DNAJC1: variants seen among roughly 807,000 people sequenced by gnomAD.
DNAJC1 encodes the protein DnaJ heat shock protein family (Hsp40) member C1.
In DNAJC1, 58 loss-of-function variants were observed where a neutral mutation model predicts 76.6. The ratio of observed to expected loss-of-function variants is 0.76; its 90% confidence interval spans 0.61 to 0.94. The LOEUF is 0.94. Among genes scored for constraint, DNAJC1 ranks in the 40% least tolerant of loss-of-function variants. The pLI, the probability that DNAJC1 is intolerant of heterozygous loss-of-function variation, is 0.00. For synonymous variants in DNAJC1, 258 were observed against 267.9 expected (o/e 0.96, Z 0.36); for missense variants, 689 against 677.3 (o/e 1.02, Z -0.19).
chr10:21,905,514 T>G (rs1836729851), intron 6 of DNAJC1, among the ~76,000 whole-genome samples: 1 of 152,168 alleles, frequency 6.6e-6, no homozygotes, highest in South Asian at 2.1e-4. Context: ...TCTGATGAAC[T>G]CTTATTAATC....
At chr10:21,939,861 ATGAC>A (rs1372864928) in intron 1 of DNAJC1, among the ~76,000 whole-genome samples, 1 of 151,118 alleles carries the variant, frequency 6.6e-6, no homozygotes, top group Non-Finnish European at 1.5e-5. Context: ...ACTCTTACTA[ATGAC>A]TTTGCCCTCT....
chr10:21,768,879 G>C (rs1293516842), intron 9 of DNAJC1, among the ~76,000 whole-genome samples: 2 of 152,096 alleles, frequency 1.3e-5, no homozygotes, highest in African/African-American at 4.8e-5. Context: ...ACAGAACTAT[G>C]CTCCATCAAT....
Position 21,759,196 on chromosome 10 carries a change from C to T in DNAJC1, c.1570G>A (p.Ala524Thr). 2 of 1,614,036 alleles carry T rather than the reference C, an allele frequency of 1.2e-6. No individual in the cohort carries two copies. Among genetic ancestry groups the T allele is most frequent in the East Asian group, 2.2e-5 (1 of 44,878 alleles). The change falls in exon 11 of 12, where the codon GCC (alanine) becomes ACC (threonine). Residue 524 changes from alanine to threonine, a missense_variant. Ala to Thr is a moderately conservative substitution (Grantham distance 58). Transcript: ENST00000376980. ...RGSSDRWDKI[A>T]RCVPSKSKED... The stretch of plus-strand genomic sequence containing the variant: ...TTGCTCTTGGACGGGACACATCTGG[C>T]TATTTTGTCCCAGCGGTCAGAGGAT...
intron 8 of DNAJC1, among the ~76,000 whole-genome samples, chr10:21,862,797 A>T (rs558522703): frequency 6.6e-6 from 1 of 152,170 alleles, no homozygotes; most frequent in African/African-American, 2.4e-5. Context: ...AAAAGAAGGA[A>T]GTTCTCAAAT....
At chr10:21,912,507 G>A (rs1208793731) in intron 6 of DNAJC1, among the ~76,000 whole-genome samples, 3 of 152,082 alleles carry the variant, frequency 2.0e-5, no homozygotes, top group African/African-American at 7.2e-5. Context: ...GGTCATTCCA[G>A]TTTGCCTGTA....
At chr10:21,762,014 TCTC>T (rs1564779709) in intron 10 of DNAJC1, among the ~76,000 whole-genome samples, 1 of 152,186 alleles carries the variant, frequency 6.6e-6, no homozygotes, top group African/African-American at 2.4e-5. Context: ...TTCAAGTGAT[TCTC>T]CTGCCTCAGC....
At position 21,993,637 on chromosome 10, in the gene DNAJC1, A is replaced by AT. The variant is rs200057434; in HGVS notation, c.222+9575dup. The stretch of plus-strand genomic sequence containing the variant: ...TTTTCATTTATATTTGTATTTATGC[A>AT]TTTTTTCTGTATACGTTTCTATGTG... On this transcript the variant is annotated intron_variant, in intron 1 of 11. Transcript: ENST00000376980. 4.7e-3 allele frequency among the ~76,000 whole-genome samples: 719 copies of AT among 152,140 alleles called. 7 individuals are homozygous for AT. Among genetic ancestry groups the AT allele is most frequent in the African/African-American group, 0.013 (540 of 41,500 alleles).
At chr10:21,794,075 G>A (rs557930240) in intron 9 of DNAJC1, among the ~76,000 whole-genome samples, 1 of 152,278 alleles carries the variant, frequency 6.6e-6, no homozygotes, top group African/African-American at 2.4e-5. Context: ...AGGAGTTTGA[G>A]ACCAGCCTTG....
intron 10 of DNAJC1, among the ~76,000 whole-genome samples, chr10:21,763,565 GTTTTTTTTTT>G (rs34169717): frequency 7.9e-6 from 1 of 127,370 alleles, no homozygotes; most frequent in Non-Finnish European, 1.6e-5. Flanking sequence ...TGTGCAGGTT[GTTTTTTTTTT>G]TTTTTTTTAG....
chr10:21,913,805 T>C (rs947613117), intron 6 of DNAJC1, among the ~76,000 whole-genome samples: 1 of 152,218 alleles, frequency 6.6e-6, no homozygotes, highest in Non-Finnish European at 1.5e-5. Context: ...TTTTAAATGT[T>C]ACAATTAAAT....
rs541232412 is a variant in DNAJC1 at position 21,921,011 on chromosome 10, CA to C, written c.372-49del. On this transcript the variant is annotated intron_variant, in intron 3 of 11. Coordinates refer to ENST00000376980, the MANE Select transcript of DNAJC1 (RefSeq NM_022365.4). ...TTTCACGGGGAGTTTAAAATAAAAACAAAAAAAACTATTTGTGCCTATATTA... is the reference window on the plus strand; with the variant it reads ...TTTCACGGGGAGTTTAAAATAAAAACAAAAAAACTATTTGTGCCTATATTA... 1.4e-4 allele frequency: 202 copies of C among 1,440,546 alleles called. 1 individual carries two copies. The African/African-American group carries it at 1.4e-3, about 10-fold the overall frequency. 89.2% of individuals were successfully genotyped at this position (1,440,546 alleles called of 1,614,324 possible).
At position 21,959,245 on chromosome 10, in the gene DNAJC1, C is replaced by T. The variant is rs555058618; in HGVS notation, c.223-30104G>A. On this transcript the variant is annotated intron_variant, in intron 1 of 11. Coordinates refer to ENST00000376980, the MANE Select transcript of DNAJC1 (RefSeq NM_022365.4). The stretch of plus-strand genomic sequence containing the variant: ...GTTCAAGCAATTCTCTTGCCTTAGC[C>T]TCCTGAGTAGCTGGGATTACAGGTG... Among the ~76,000 whole-genome samples, 21 of 152,086 alleles carry T rather than the reference C, an allele frequency of 1.4e-4. No individual in the cohort carries two copies. The South Asian group carries it at 3.7e-3, about 27-fold the overall frequency.
intron 8 of DNAJC1, among the ~76,000 whole-genome samples, chr10:21,849,844 A>C (rs2131687141): frequency 6.6e-6 from 1 of 152,266 alleles, no homozygotes; most frequent in East Asian, 1.9e-4. Context: ...CATCACATTA[A>C]TAGATAAAAG....
At chr10:21,896,936 T>C (rs1226858305) in intron 7 of DNAJC1, among the ~76,000 whole-genome samples, 1 of 152,182 alleles carries the variant, frequency 6.6e-6, no homozygotes, top group Non-Finnish European at 1.5e-5. Flanking sequence ...TTTCCCCTTC[T>C]GTTCCTTGTG....
intron 8 of DNAJC1, among the ~76,000 whole-genome samples, chr10:21,849,534 A>G (rs1027020762): frequency 6.6e-6 from 1 of 152,070 alleles, no homozygotes; most frequent in African/African-American, 2.4e-5. Context: ...GGGGAAAAAA[A>G]GAGGGGAGAT....
At chr10:21,808,805 G>A (rs1279381932) in intron 8 of DNAJC1, among the ~76,000 whole-genome samples, 2 of 152,136 alleles carry the variant, frequency 1.3e-5, no homozygotes, top group African/African-American at 4.8e-5. Context: ...CAATCTTACC[G>A]AAACACCGGG....
chr10:21,944,969 GT>G (rs1169669065), intron 1 of DNAJC1, among the ~76,000 whole-genome samples: 7 of 152,170 alleles, frequency 4.6e-5, no homozygotes, highest in Non-Finnish European at 8.8e-5. Context: ...AGTAGGAGGT[GT>G]TTTTGAAATA....
chr10:21,897,109 G>A (rs940429198), intron 7 of DNAJC1, among the ~76,000 whole-genome samples: 1 of 152,130 alleles, frequency 6.6e-6, no homozygotes, highest in Non-Finnish European at 1.5e-5. Flanking sequence ...GCCAGTCTCA[G>A]GTTATTTCCC....
At chr10:21,824,793 G>A (rs1835220017) in intron 8 of DNAJC1, among the ~76,000 whole-genome samples, 1 of 152,032 alleles carries the variant, frequency 6.6e-6, no homozygotes. Context: ...TTATTTTTGA[G>A]ATGGTGTTTC....
Sources: gnomAD v4.1 joint callset for allele counts (sites outside exome capture counted in the v4.1 genomes callset) on GRCh38, gnomAD v4.1.1 for gene constraint, MANE v1.5 for transcripts, NCBI Gene and HGNC (gene_info 2026-07-23, HGNC 2026-07-21) for gene names.